Variants in ATP6V0E1 observed in about 807,000 individuals in gnomAD.
ATP6V0E1 encodes V-type proton ATPase subunit e 1.
ATP6V0E1 carries 4 observed loss-of-function variants against 11.6 expected under a neutral mutation model. That is an observed-to-expected ratio of 0.35 (90% CI 0.17 to 0.79). The LOEUF (loss-of-function observed/expected upper bound fraction) is 0.79. Among genes scored for constraint, ATP6V0E1 ranks in the 30% least tolerant of loss-of-function variants. The pLI, the probability that ATP6V0E1 is intolerant of heterozygous loss-of-function variation, is 0.54. For missense variants in ATP6V0E1, 105 were observed against 100.0 expected, an observed-to-expected ratio of 1.05 and a Z score of -0.21; for synonymous variants, 36 against 34.8, an observed-to-expected ratio of 1.04 and a Z score of -0.13.
chr5:173,031,728 A>G (rs1199653861), intron 3 of ATP6V0E1, among the ~76,000 whole-genome samples: 2 of 150,764 alleles, frequency 1.3e-5, no homozygotes, highest in Non-Finnish European at 2.9e-5. Context: ...CTGAGGCAGG[A>G]GAATAGCGTG....
intron 1 of ATP6V0E1, among the ~76,000 whole-genome samples, chr5:172,985,042 C>A (rs544965995): frequency 5.3e-4 from 80 of 152,198 alleles, no homozygotes; most frequent in Non-Finnish European, 8.5e-4. Flanking sequence ...GTCAGGAGAT[C>A]GAGACCATCC....
intron 2 of ATP6V0E1, among the ~76,000 whole-genome samples, chr5:172,998,866 C>G (rs564867155): frequency 1.3e-5 from 2 of 152,024 alleles, no homozygotes; most frequent in South Asian, 2.1e-4. Flanking sequence ...GGGGGCCGGG[C>G]GTGTTGGCTT....
chr5:172,994,030 GAGA>G (rs1344912551), intron 1 of ATP6V0E1, among the ~76,000 whole-genome samples: 1 of 152,116 alleles, frequency 6.6e-6, no homozygotes, highest in African/African-American at 2.4e-5. Context: ...TAGAATGAAG[GAGA>G]AGGAGAAAAG....
intron 1 of ATP6V0E1, 44 bp from the exon 2 acceptor site, chr5:172,994,731 T>A (rs1756034134): frequency 6.8e-7 from 1 of 1,470,922 alleles, no homozygotes; most frequent in Non-Finnish European, 9.3e-7. Flanking sequence ...GTTTGCATAG[T>A]TTGCTAGTTA....
chr5:173,001,193 A>G (rs1293051803), intron 2 of ATP6V0E1, among the ~76,000 whole-genome samples: 2 of 152,088 alleles, frequency 1.3e-5, no homozygotes, highest in Non-Finnish European at 1.5e-5. Flanking sequence ...AGCCGGGCGT[A>G]ATGGCACAGT....
At chr5:173,020,487 A>G in intron 3 of ATP6V0E1, 120 bp downstream of exon 3, 1 of 622,880 alleles carries the variant, frequency 1.6e-6, no homozygotes, top group South Asian at 1.9e-5. Flanking sequence ...GAATGCAAAC[A>G]CGATCTGAAG....
At chr5:173,018,432 G>A (rs913235566) in intron 2 of ATP6V0E1, among the ~76,000 whole-genome samples, 14 of 152,088 alleles carry the variant, frequency 9.2e-5, no homozygotes, top group African/African-American at 3.4e-4. Flanking sequence ...AGGTGGAAAG[G>A]GAGGTGGAGG....
At chr5:173,011,175 C>CTTTTTTTTTTTTTTTTTTTTTTTTTTTT (rs754605378) in intron 2 of ATP6V0E1, among the ~76,000 whole-genome samples, 1 of 114,702 alleles carries the variant, frequency 8.7e-6, no homozygotes. Flanking sequence ...CCTGATTTAT[C>CTTTTTTTTTTTTTTTTTTTTTTTTTTTT]TTTTTTTTTT....
At chr5:172,986,795 T>C in intron 1 of ATP6V0E1, 2 of 435,120 alleles carry the variant, frequency 4.6e-6, no homozygotes, top group Non-Finnish European at 9.1e-6. Flanking sequence ...GTTTGTTTGT[T>C]TGTTTGTTTT....
At chr5:172,999,137 G>GA (rs887607673) in intron 2 of ATP6V0E1, among the ~76,000 whole-genome samples, 2 of 151,280 alleles carry the variant, frequency 1.3e-5, no homozygotes, top group East Asian at 1.9e-4. Context: ...TCTCAGGAGG[G>GA]AAAAAAAAGG....
chr5:172,991,750 A>G (rs1755980194), intron 1 of ATP6V0E1, among the ~76,000 whole-genome samples: 1 of 152,198 alleles, frequency 6.6e-6, no homozygotes. Flanking sequence ...TAATGTATAA[A>G]TTATGTATTT....
At chr5:173,033,459 G>A (rs1055889018) in intron 3 of ATP6V0E1, among the ~76,000 whole-genome samples, 1 of 152,196 alleles carries the variant, frequency 6.6e-6, no homozygotes, top group Non-Finnish European at 1.5e-5. Flanking sequence ...TTAAGTGAAA[G>A]ATATTATGAG....
At chr5:173,024,436 G>T in intron 3 of ATP6V0E1, among the ~76,000 whole-genome samples, 1 of 151,802 alleles carries the variant, frequency 6.6e-6, no homozygotes. Context: ...GTTTAGGATG[G>T]CTTCTATGTA....
chr5:173,015,656 G>A (rs1341680468), intron 2 of ATP6V0E1, among the ~76,000 whole-genome samples: 1 of 152,170 alleles, frequency 6.6e-6, no homozygotes, highest in Non-Finnish European at 1.5e-5. Flanking sequence ...GTGTTCCCAG[G>A]AAGAGCATGA....
At chr5:173,025,503 AC>A (rs1756545004) in intron 3 of ATP6V0E1, among the ~76,000 whole-genome samples, 1 of 98,770 alleles carries the variant, frequency 1.0e-5, no homozygotes, top group Non-Finnish European at 2.0e-5. Context: ...TATATAAAAT[AC>A]TTTTTTTTTT....
At chr5:173,012,764 A>G (rs1276684659) in intron 2 of ATP6V0E1, among the ~76,000 whole-genome samples, 2 of 152,108 alleles carry the variant, frequency 1.3e-5, no homozygotes, top group East Asian at 3.9e-4. Context: ...CAAAAAAAAA[A>G]AAAAGAAAAG....
chr5:172,987,065 C>T (rs551846860), intron 1 of ATP6V0E1: 7 of 176,358 alleles, frequency 4.0e-5, no homozygotes, highest in Admixed American at 1.3e-4. Context: ...GAATTACAGG[C>T]ATGAGCCACC....
chr5:173,020,164 C>T, intron 2 of ATP6V0E1, 74 bp from the exon 3 acceptor site: 4 of 1,255,620 alleles, frequency 3.2e-6, no homozygotes, highest in Admixed American at 1.8e-5. Flanking sequence ...TGTACTTTTT[C>T]CATGCTAATT....
chr5:172,994,425 A>T (rs527890674), intron 1 of ATP6V0E1, among the ~76,000 whole-genome samples: 1 of 152,328 alleles, frequency 6.6e-6, no homozygotes, highest in East Asian at 1.9e-4. Flanking sequence ...TTAGAAGTAC[A>T]GTGTTAATTT....
Sources: allele counts gnomAD v4.1 joint callset (sites outside exome capture counted in the v4.1 genomes callset), GRCh38; gene constraint gnomAD v4.1.1; transcripts MANE v1.5; gene names NCBI Gene and HGNC (gene_info 2026-07-23, HGNC 2026-07-21).